Variants in FNDC3A observed in about 807,000 individuals in gnomAD.
The protein encoded by FNDC3A is fibronectin type III domain containing 3A, also known as fibronectin type-III domain-containing protein 3A.
FNDC3A carries 32 observed loss-of-function variants against 148.9 expected under a neutral mutation model. The observed-to-expected ratio is 0.21, with a 90% CI of 0.16 to 0.29. FNDC3A has a LOEUF of 0.29. Among genes scored for constraint, FNDC3A ranks in the 10% least tolerant of loss-of-function variants. FNDC3A has a pLI of 1.00. For missense variants in FNDC3A, 1,191 were observed against 1,452.8 expected (o/e 0.82, Z 2.93); for synonymous variants, 472 against 473.6 (o/e 1.00, Z 0.04).
intron 5 of FNDC3A, among the ~76,000 whole-genome samples, chr13:49,132,670 A>G (rs1163207480): frequency 6.6e-6 from 1 of 152,188 alleles, no homozygotes; most frequent in African/African-American, 2.4e-5. Flanking sequence ...TCCTTGTCCC[A>G]TTGCTTCCCC....
At chr13:49,161,376 C>G (rs943776648) in intron 8 of FNDC3A, among the ~76,000 whole-genome samples, 4 of 152,136 alleles carry the variant, frequency 2.6e-5, no homozygotes, top group Admixed American at 6.5e-5. Flanking sequence ...TGTCTCTTGA[C>G]CTTTGTTGGT....
At chr13:49,109,340 T>C (rs1172493784) in intron 3 of FNDC3A, among the ~76,000 whole-genome samples, 36 of 152,226 alleles carry the variant, frequency 2.4e-4, no homozygotes, top group Non-Finnish European at 4.4e-5. Context: ...GTCACTGAAA[T>C]AAGCTAAGAC....
At chr13:49,040,517 A>T (rs574125431) in intron 2 of FNDC3A, among the ~76,000 whole-genome samples, 2 of 152,236 alleles carry the variant, frequency 1.3e-5, no homozygotes, top group Non-Finnish European at 2.9e-5. Context: ...GGAGAGAAAC[A>T]TAGTGCAGAA....
intron 7 of FNDC3A, among the ~76,000 whole-genome samples, chr13:49,142,816 T>C (rs977683044): frequency 2.6e-5 from 4 of 152,216 alleles, no homozygotes; most frequent in African/African-American, 9.6e-5. Flanking sequence ...CTTATCCCAA[T>C]GTAGTCACTC....
At chr13:49,090,455 T>G in intron 3 of FNDC3A, among the ~76,000 whole-genome samples, 1 of 152,068 alleles carries the variant, frequency 6.6e-6, no homozygotes, top group Non-Finnish European at 1.5e-5. Context: ...TCCAGGAGAT[T>G]GCACAGATCG....
rs1315704656 is a variant in FNDC3A, at chr13:49,013,436, T to TTACATATGTATACATGTACATGTGTA, written c.99+7158_99+7183dup. On this transcript the variant is annotated intron_variant, in intron 2 of 25. Transcript: ENST00000492622. The stretch of plus-strand genomic sequence containing the variant: ...TACATGTGCACAATGTGCAGGTTAG[T>TTACATATGTATACATGTACATGTGTA]TACATATGTATACATGTACATGTGT... Among the ~76,000 whole-genome samples the TTACATATGTATACATGTACATGTGTA allele has an allele frequency of 4.8e-3, 724 of 151,984 alleles. 4 individuals carry two copies. The highest frequency in any genetic ancestry group is 7.7e-3 in the Non-Finnish European group (521 of 67,874).
intron 8 of FNDC3A, among the ~76,000 whole-genome samples, chr13:49,148,957 T>C (rs746390996): frequency 1.3e-5 from 2 of 152,148 alleles, no homozygotes; most frequent in African/African-American, 2.4e-5. Context: ...GTTTTTTCTT[T>C]TGTAGCTATT....
At chr13:49,102,435 A>T (rs1439739203) in intron 3 of FNDC3A, among the ~76,000 whole-genome samples, 5 of 152,194 alleles carry the variant, frequency 3.3e-5, no homozygotes, top group African/African-American at 1.2e-4. Flanking sequence ...TTAGGGCATA[A>T]TAGTGTTGGG....
chr13:49,041,144 G>A (rs1874893976), intron 2 of FNDC3A, among the ~76,000 whole-genome samples: 1 of 152,196 alleles, frequency 6.6e-6, no homozygotes, highest in African/African-American at 2.4e-5. Flanking sequence ...GTAGCATTTA[G>A]ACAGGGACCT....
chr13:49,098,312 C>T (rs1879657430), intron 3 of FNDC3A, among the ~76,000 whole-genome samples: 1 of 152,014 alleles, frequency 6.6e-6, no homozygotes, highest in Admixed American at 6.6e-5. Context: ...ATGTTTGATC[C>T]TGACAGGATT....
chr13:49,139,302 G>A (rs1385844002), intron 7 of FNDC3A, among the ~76,000 whole-genome samples: 1 of 152,112 alleles, frequency 6.6e-6, no homozygotes, highest in Admixed American at 6.5e-5. Flanking sequence ...TAGTGAAGGG[G>A]AGAAAGATGT....
At chr13:48,984,435 A>G (rs974613863) in intron 1 of FNDC3A, among the ~76,000 whole-genome samples, 2 of 152,236 alleles carry the variant, frequency 1.3e-5, no homozygotes, top group Non-Finnish European at 2.9e-5. Context: ...TAAAATTACA[A>G]TTATTAAAAT....
At chr13:48,990,473 C>T (rs1951893679) in intron 1 of FNDC3A, among the ~76,000 whole-genome samples, 1 of 149,144 alleles carries the variant, frequency 6.7e-6, no homozygotes, top group South Asian at 2.1e-4. Context: ...TGACAGTTGC[C>T]AGGTGTGGTG....
chr13:49,166,522 A>G (rs1473502657), intron 8 of FNDC3A, among the ~76,000 whole-genome samples: 2 of 152,292 alleles, frequency 1.3e-5, no homozygotes, highest in African/African-American at 4.8e-5. Context: ...TATAGGACCC[A>G]GCGTGAACTC....
At chr13:48,997,134 T>C (rs1235780874) in intron 1 of FNDC3A, among the ~76,000 whole-genome samples, 1 of 152,040 alleles carries the variant, frequency 6.6e-6, no homozygotes, top group African/African-American at 2.4e-5. Flanking sequence ...AGTACTTCAG[T>C]TATAGTATTG....
Position 49,131,327 on chromosome 13 carries a change from C to T in FNDC3A, c.443C>T (p.Thr148Ile), listed in dbSNP as rs1882020599. Residue 148 changes from threonine to isoleucine, a missense_variant, in exon 5 of 26, where the codon ACA (threonine) becomes ATA (isoleucine). Thr to Ile is a moderately conservative substitution (Grantham distance 89). This residue lies in a region of FNDC3A where 426 missense variants were observed against 473.2 expected (regional missense o/e 0.90). Transcript: ENST00000492622. ...SPVTGAGDMT[T>I]QYMPQYQSSQ... ...GTGACTGGAGCTGGAGACATGACAA[C>T]ACAGTATATGCCACAGTATCAGTCT... 1 of 1,613,936 alleles carries T rather than the reference C, an allele frequency of 6.2e-7. No homozygotes were observed. Among genetic ancestry groups the T allele is most frequent in the Non-Finnish European group, 8.5e-7 (1 of 1,179,910 alleles).
In FNDC3A at chr13:49,022,529, C is replaced by G. The variant is rs551502353; in HGVS notation, c.99+16240C>G. Among the ~76,000 whole-genome samples the G allele has an allele frequency of 9.9e-5, 15 of 152,186 alleles. No homozygotes were observed. The South Asian group carries it at 3.1e-3, about 32-fold the overall frequency. Reference sequence around the variant, plus strand: ...TTTGTAAATATATGCATTTAAAAATCTGATAGCTTCCATGCTAAGCTATAA... The same window carrying G: ...TTTGTAAATATATGCATTTAAAAATGTGATAGCTTCCATGCTAAGCTATAA... On this transcript the variant is annotated intron_variant, in intron 2 of 25. Transcript: ENST00000492622.
intron 1 of FNDC3A, among the ~76,000 whole-genome samples, chr13:48,986,064 G>A (rs551354139): frequency 6.6e-6 from 1 of 152,170 alleles, no homozygotes; most frequent in Non-Finnish European, 1.5e-5. Context: ...AGCAATTTCT[G>A]TATAGTGTTG....
At chr13:49,185,408 A>T (rs1219341309) in intron 14 of FNDC3A, among the ~76,000 whole-genome samples, 1 of 152,054 alleles carries the variant, frequency 6.6e-6, no homozygotes, top group Non-Finnish European at 1.5e-5. Context: ...CTGGGACTTC[A>T]CTCACTTTCA....
Sources: gnomAD v4.1 joint callset for allele counts (sites outside exome capture counted in the v4.1 genomes callset) on GRCh38, gnomAD v4.1.1 for gene constraint, gnomAD v4.1.1 regional missense constraint, MANE v1.5 for transcripts, NCBI Gene and HGNC (gene_info 2026-07-23, HGNC 2026-07-21) for gene names.